Variants in PYGB observed in about 807,000 individuals in gnomAD.
PYGB encodes the protein glycogen phosphorylase B, also known as glycogen phosphorylase, brain form.
In PYGB, 82 loss-of-function variants were observed where a neutral mutation model predicts 94.3. The observed-to-expected ratio is 0.87, with a 90% CI of 0.73 to 1.04. The LOEUF (loss-of-function observed/expected upper bound fraction) is 1.04. PYGB is among the 50% of genes least tolerant of loss of function. PYGB has a pLI of 0.00. For synonymous variants in PYGB, 488 were observed against 479.1 expected (o/e 1.02, Z -0.24); for missense variants, 1,132 against 1,158.2 (o/e 0.98, Z 0.33).
chr20:25,250,912 G>A (rs1301439394), intron 1 of PYGB: 1 of 152,102 alleles, frequency 6.6e-6, no homozygotes, highest in African/African-American at 2.4e-5. Flanking sequence ...CACTTCTATC[G>A]CCCACTTTGT....
chr20:25,283,014 G>A (rs1017599386), intron 12 of PYGB, among the ~76,000 whole-genome samples, 162 bp from the exon 13 acceptor site: 10 of 152,150 alleles, frequency 6.6e-5, no homozygotes, highest in Admixed American at 2.6e-4. Flanking sequence ...GGGCTGCTGG[G>A]GTAACCCTGT....
intron 2 of PYGB, among the ~76,000 whole-genome samples, chr20:25,260,706 G>T (rs1343695575): frequency 6.6e-6 from 1 of 152,224 alleles, no homozygotes; most frequent in African/African-American, 2.4e-5. Context: ...AAGCACAAGG[G>T]ATCAGGGAAT....
intron 6 of PYGB, among the ~76,000 whole-genome samples, 181 bp from the exon 7 acceptor site, chr20:25,277,063 G>A (rs1341435681): frequency 6.6e-6 from 1 of 152,074 alleles, no homozygotes; most frequent in Non-Finnish European, 1.5e-5. Flanking sequence ...GCGGTACATA[G>A]GGGAGCTGCA....
At chr20:25,281,171 A>T in intron 11 of PYGB, 59 bp downstream of exon 11, 2 of 1,586,354 alleles carry the variant, frequency 1.3e-6, no homozygotes, top group Admixed American at 3.4e-5. Context: ...GCCTGCGTCT[A>T]GGACCATCCA....
chr20:25,282,289 G>A (rs1428845311), intron 12 of PYGB, 142 bp downstream of exon 12: 4 of 698,848 alleles, frequency 5.7e-6, no homozygotes, highest in African/African-American at 5.4e-5. Context: ...GGACATGAGG[G>A]CTGAGCCCCT....
At chr20:25,290,724 T>C (rs1379833664) in intron 16 of PYGB, 102 bp downstream of exon 16, 1 of 1,494,544 alleles carries the variant, frequency 6.7e-7, no homozygotes, top group Non-Finnish European at 9.2e-7. Context: ...CAGCTCTGCC[T>C]GGACACCCAG....
chr20:25,296,013 T>C (rs2088537174), intron 19 of PYGB, among the ~76,000 whole-genome samples: 1 of 152,162 alleles, frequency 6.6e-6, no homozygotes, highest in Admixed American at 6.5e-5. Context: ...GTGGCAGCTG[T>C]GAGGCTCCCT....
chr20:25,288,093 T>A (rs1323803857), intron 14 of PYGB: 4 of 440,598 alleles, frequency 9.1e-6, no homozygotes, highest in Non-Finnish European at 1.7e-5. Context: ...GAAACTGAGG[T>A]GCAGCTTTTC....
chr20:25,274,760 C>T, intron 5 of PYGB, 37 bp downstream of exon 5: 1 of 1,601,090 alleles, frequency 6.2e-7, no homozygotes, highest in Non-Finnish European at 8.5e-7. Flanking sequence ...AAGGCTGGAG[C>T]CAGGTGAGGG....
At chr20:25,271,795 C>T (rs1213250595) in intron 4 of PYGB, among the ~76,000 whole-genome samples, 1 of 152,178 alleles carries the variant, frequency 6.6e-6, no homozygotes, top group Non-Finnish European at 1.5e-5. Context: ...CAGTAGCAGC[C>T]GGGCAGTGAG....
chr20:25,269,011 A>G, intron 2 of PYGB, 118 bp from the exon 3 acceptor site: 1 of 853,474 alleles, frequency 1.2e-6, no homozygotes, highest in Non-Finnish European at 1.9e-6. Flanking sequence ...TTTCAAGTCT[A>G]ACAGAACCCA....
rs2092902881 is a variant in PYGB at position 25,256,491 on chromosome 20, G to A, written c.244-2746G>A. 2.1e-5 allele frequency among the ~76,000 whole-genome samples: 3 copies of A among 146,304 alleles called. No homozygotes were observed. In the Admixed American group the frequency reaches 2.1e-4, roughly 10 times the overall value. ...AGCCTGGGCAACAGAGCGAAACTCT[G>A]TCTCAAAAAAAAAAAAACAAAAACA... On this transcript the variant is annotated intron_variant, in intron 1 of 19. Transcript: ENST00000216962.
chr20:25,281,908 G>C, intron 11 of PYGB, 125 bp from the exon 12 acceptor site: 1 of 821,770 alleles, frequency 1.2e-6, no homozygotes, highest in Admixed American at 2.2e-5. Context: ...GTTCTCCTTA[G>C]AAAACAGAAC....
Position 25,284,245 on chromosome 20 carries a change from T to C in PYGB, c.1762T>C (p.Tyr588His). 2 of 1,613,348 alleles carry C rather than the reference T, an allele frequency of 1.2e-6. No individual in the cohort carries two copies. Among genetic ancestry groups the C allele is most frequent in the South Asian group, 1.1e-5 (1 of 90,990 alleles). ...LLNCLHVVTL[Y>H]NRIKRDPAKA... Reference sequence around the variant, plus strand: ...CAACTGCCTGCACGTCGTCACCCTGTACAATCGTGAGTGCCGGCATCACCT... The same window carrying C: ...CAACTGCCTGCACGTCGTCACCCTGCACAATCGTGAGTGCCGGCATCACCT... Residue 588 changes from tyrosine to histidine, a missense_variant, in exon 14 of 20, where the codon TAC becomes CAC. Transcript: ENST00000216962.
intron 14 of PYGB, among the ~76,000 whole-genome samples, chr20:25,287,197 C>T (rs1330387632): frequency 6.6e-6 from 1 of 152,254 alleles, no homozygotes; most frequent in Non-Finnish European, 1.5e-5. Flanking sequence ...CCTCCATCCA[C>T]TTCTGTGAAG....
At chr20:25,294,055 G>T in intron 17 of PYGB, 103 bp from the exon 18 acceptor site, 1 of 1,506,206 alleles carries the variant, frequency 6.6e-7, no homozygotes, top group Non-Finnish European at 8.9e-7. Context: ...GAGCTCCCAG[G>T]GCCATCCTGG....
At chr20:25,255,470 C>T (rs995315384) in intron 1 of PYGB, among the ~76,000 whole-genome samples, 13 of 152,238 alleles carry the variant, frequency 8.5e-5, no homozygotes, top group African/African-American at 2.9e-4. Context: ...CTGGCTGGCT[C>T]AGTGGCCTGT....
chr20:25,286,531 T>C (rs1012057015), intron 14 of PYGB, among the ~76,000 whole-genome samples: 1 of 152,088 alleles, frequency 6.6e-6, no homozygotes, highest in Admixed American at 6.5e-5. Flanking sequence ...GGGTGCTGAC[T>C]TCCATTGCTA....
chr20:25,266,660 A>T (rs908490961), intron 2 of PYGB, among the ~76,000 whole-genome samples: 2 of 152,226 alleles, frequency 1.3e-5, no homozygotes, highest in African/African-American at 2.4e-5. Flanking sequence ...GAATATATGT[A>T]AAGAACTCTG....
Sources: allele counts gnomAD v4.1 joint callset (sites outside exome capture counted in the v4.1 genomes callset), GRCh38; gene constraint gnomAD v4.1.1; transcripts MANE v1.5; gene names NCBI Gene and HGNC (gene_info 2026-07-23, HGNC 2026-07-21).